LRBA: variants seen among roughly 807,000 people sequenced by gnomAD.
LRBA encodes lipopolysaccharide-responsive and beige-like anchor protein.
A neutral mutation model predicts 330.0 loss-of-function variants in LRBA; 176 were observed. The observed-to-expected ratio is 0.53, with a 90% CI of 0.47 to 0.60. The LOEUF is 0.60. LRBA is among the 20% of genes least tolerant of loss of function. The pLI is 0.00. For missense variants in LRBA, 3,259 were observed against 3,444.8 expected (o/e 0.95, Z 1.35); for synonymous variants, 1,230 against 1,193.0 (o/e 1.03, Z -0.64).
intron 34 of LRBA, among the ~76,000 whole-genome samples, chr4:150,797,500 G>A (rs1740963000): frequency 6.6e-6 from 1 of 151,534 alleles, no homozygotes; most frequent in Admixed American, 6.6e-5. Flanking sequence ...TTTTATATAA[G>A]TTTTTTTTAA....
chr4:150,812,581 T>C (rs1173049791), intron 31 of LRBA, among the ~76,000 whole-genome samples: 1 of 152,130 alleles, frequency 6.6e-6, no homozygotes, highest in African/African-American at 2.4e-5. Flanking sequence ...AAAAACTAAT[T>C]AAACAAATCC....
At chr4:150,891,859 A>T (rs939793848) in intron 17 of LRBA, among the ~76,000 whole-genome samples, 1 of 152,186 alleles carries the variant, frequency 6.6e-6, no homozygotes, top group African/African-American at 2.4e-5. Context: ...CTGTTATAGA[A>T]GATCAATGTG....
At chr4:150,869,082 A>G (rs1179672642) in intron 20 of LRBA, among the ~76,000 whole-genome samples, 1 of 152,050 alleles carries the variant, frequency 6.6e-6, no homozygotes, top group Non-Finnish European at 1.5e-5. Context: ...CACCACGCCT[A>G]GCTAATTTTT....
At chr4:150,464,200 T>G (rs1240082519) in intron 44 of LRBA, among the ~76,000 whole-genome samples, 1 of 151,998 alleles carries the variant, frequency 6.6e-6, no homozygotes, top group African/African-American at 2.4e-5. Flanking sequence ...GTCCAAACTG[T>G]GGATTCAGCC....
chr4:150,493,609 A>G (rs986545524), intron 40 of LRBA, among the ~76,000 whole-genome samples: 2 of 152,206 alleles, frequency 1.3e-5, no homozygotes, highest in East Asian at 1.9e-4. Context: ...TGTATGCCAC[A>G]TGGTAACAAT....
At chr4:150,946,548 A>C (rs1221460446) in intron 2 of LRBA, among the ~76,000 whole-genome samples, 1 of 152,120 alleles carries the variant, frequency 6.6e-6, no homozygotes. Flanking sequence ...AGTCTCAAAT[A>C]AATTTTTTAA....
At chr4:150,375,749 C>T (rs989886973) in intron 47 of LRBA, among the ~76,000 whole-genome samples, 3 of 152,006 alleles carry the variant, frequency 2.0e-5, no homozygotes, top group African/African-American at 7.2e-5. Context: ...CAAGCCCAGC[C>T]TCTACTTACT....
intron 47 of LRBA, among the ~76,000 whole-genome samples, chr4:150,398,887 A>AGAGTGCCGGGATTTACAGGTGT (rs1486436878): frequency 6.6e-6 from 1 of 152,130 alleles, no homozygotes; most frequent in Non-Finnish European, 1.5e-5. Flanking sequence ...TTAGCCTCCC[A>AGAGTGCCGGGATTTACAGGTGT]GAGTGCCGGG....
At chr4:150,831,736 C>A in intron 29 of LRBA, 81 bp downstream of exon 29, 1 of 1,097,396 alleles carries the variant, frequency 9.1e-7, no homozygotes, top group South Asian at 1.9e-5. Context: ...GATTTAAATT[C>A]CAATATCAAT....
chr4:151,005,041 G>GAA (rs1162492821), intron 2 of LRBA, among the ~76,000 whole-genome samples: 1 of 151,964 alleles, frequency 6.6e-6, no homozygotes, highest in Non-Finnish European at 1.5e-5. Context: ...GGAGGAGAGG[G>GAA]AAATAGTCAA....
intron 40 of LRBA, among the ~76,000 whole-genome samples, chr4:150,575,260 C>T (rs995570040): frequency 6.6e-6 from 1 of 151,916 alleles, no homozygotes; most frequent in African/African-American, 2.4e-5. Flanking sequence ...TAGATTACAA[C>T]CAATGAAGCA....
At chr4:150,322,925 TGTATATTATG>T (rs1732716467) in intron 49 of LRBA, among the ~76,000 whole-genome samples, 2 of 151,844 alleles carry the variant, frequency 1.3e-5, no homozygotes, top group African/African-American at 4.8e-5. Context: ...CTACACCTGG[TGTATATTATG>T]GTTCATGCAC....
chr4:150,481,141 T>C (rs924902674), intron 42 of LRBA, among the ~76,000 whole-genome samples: 1 of 152,198 alleles, frequency 6.6e-6, no homozygotes, highest in African/African-American at 2.4e-5. Context: ...GTCCTGCAGT[T>C]CCATCCATGC....
chr4:150,682,121 A>G (rs1270861442), intron 37 of LRBA, among the ~76,000 whole-genome samples: 2 of 152,172 alleles, frequency 1.3e-5, no homozygotes, highest in Admixed American at 6.5e-5. Flanking sequence ...ACTTTTTAAA[A>G]AGATTCAACA....
chr4:150,769,758 A>C (rs557256498), intron 34 of LRBA, among the ~76,000 whole-genome samples: 4 of 152,356 alleles, frequency 2.6e-5, no homozygotes, highest in Admixed American at 2.0e-4. Flanking sequence ...GACCCAAATG[A>C]CACACAAATT....
chr4:150,587,599 C>G (rs1772273889), intron 40 of LRBA, among the ~76,000 whole-genome samples: 1 of 152,172 alleles, frequency 6.6e-6, no homozygotes, highest in Non-Finnish European at 1.5e-5. Flanking sequence ...AGGTATCTCA[C>G]ACACAAAACA....
chr4:150,912,087 T>C (rs1027011553), intron 9 of LRBA, among the ~76,000 whole-genome samples: 5 of 152,158 alleles, frequency 3.3e-5, no homozygotes, highest in Admixed American at 6.5e-5. Context: ...CTTTTTTCCT[T>C]AGCCTATGTA....
chr4:150,569,089 A>G (rs1769518711), intron 40 of LRBA, among the ~76,000 whole-genome samples: 1 of 152,122 alleles, frequency 6.6e-6, no homozygotes, highest in South Asian at 2.1e-4. Flanking sequence ...TACAGGTAAA[A>G]CACTTAAAAC....
intron 40 of LRBA, among the ~76,000 whole-genome samples, chr4:150,546,983 A>T (rs1015738325): frequency 7.2e-5 from 11 of 152,244 alleles, no homozygotes; most frequent in African/African-American, 2.7e-4. Context: ...TTTGTAAACA[A>T]AACATATTTA....
Sources: allele counts gnomAD v4.1 joint callset (sites outside exome capture counted in the v4.1 genomes callset), GRCh38; gene constraint gnomAD v4.1.1; transcripts MANE v1.5; gene names NCBI Gene and HGNC (gene_info 2026-07-23, HGNC 2026-07-21).